RPS6KC1: variants seen among roughly 807,000 people sequenced by gnomAD.
RPS6KC1 encodes the protein ribosomal protein S6 kinase C1, also known as inactive ribosomal protein S6 kinase delta-1.
A neutral mutation model predicts 103.8 loss-of-function variants in RPS6KC1; 54 were observed. The ratio of observed to expected loss-of-function variants is 0.52; its 90% CI spans 0.42 to 0.65. The LOEUF is 0.65. Among genes scored for constraint, RPS6KC1 ranks in the 30% least tolerant of loss-of-function variants. The pLI, the probability that RPS6KC1 is intolerant of heterozygous loss-of-function variation, is 0.00. For synonymous variants in RPS6KC1, 439 were observed against 438.7 expected (o/e 1.00, Z -0.01); for missense variants, 1,151 against 1,253.8 (o/e 0.92, Z 1.24).
At chr1:213,235,196 A>G (rs1010892766) in intron 10 of RPS6KC1, among the ~76,000 whole-genome samples, 8 of 152,108 alleles carry the variant, frequency 5.3e-5, no homozygotes, top group Admixed American at 1.3e-4. Context: ...TTACAGAACT[A>G]CTCATGATTT....
chr1:213,321,535 G>A, the RPS6KC1 span, among the ~76,000 whole-genome samples: 6 of 152,192 alleles, frequency 3.9e-5, no homozygotes, highest in African/African-American at 1.2e-4. Flanking sequence ...TATTGCTCCT[G>A]TAGGGAAAGG....
chr1:213,211,831 G>A (rs1269317728), intron 8 of RPS6KC1, among the ~76,000 whole-genome samples: 2 of 152,140 alleles, frequency 1.3e-5, no homozygotes, highest in African/African-American at 4.8e-5. Flanking sequence ...TGCAGGACTT[G>A]TTTTAGTTAT....
chr1:213,732,199 T>A, the RPS6KC1 span, among the ~76,000 whole-genome samples: 2 of 152,236 alleles, frequency 1.3e-5, no homozygotes, highest in African/African-American at 4.8e-5. Flanking sequence ...GTGGTACCAT[T>A]TTCTGAGCTA....
chr1:213,497,891 A>T, the RPS6KC1 span, among the ~76,000 whole-genome samples: 2 of 152,086 alleles, frequency 1.3e-5, no homozygotes, highest in Admixed American at 1.3e-4. Context: ...AAAAAATTTA[A>T]AAAATTTAAG....
chr1:213,353,907 G>T, the RPS6KC1 span, among the ~76,000 whole-genome samples: 7 of 152,178 alleles, frequency 4.6e-5, no homozygotes, highest in Non-Finnish European at 7.4e-5. Context: ...ATGTGGAAAA[G>T]CCGAGGGAAC....
chr1:213,574,500 C>T, the RPS6KC1 span, among the ~76,000 whole-genome samples: 1 of 152,266 alleles, frequency 6.6e-6, no homozygotes, highest in South Asian at 2.1e-4. Context: ...CTCTATTAGC[C>T]TTGCTGAGGA....
chr1:213,400,628 C>G, the RPS6KC1 span, among the ~76,000 whole-genome samples: 72 of 152,206 alleles, frequency 4.7e-4, 1 homozygote, highest in Middle Eastern at 6.8e-3. Context: ...GACTGGAACC[C>G]AGGTGTCCTG....
At chr1:213,600,061 C>G in the RPS6KC1 span, among the ~76,000 whole-genome samples, 1 of 152,106 alleles carries the variant, frequency 6.6e-6, no homozygotes, top group African/African-American at 2.4e-5. Context: ...CTCATTAGAT[C>G]TGATGGTTTT....
At chr1:213,067,113 G>T (rs935272109) in intron 1 of RPS6KC1, among the ~76,000 whole-genome samples, 1 of 152,192 alleles carries the variant, frequency 6.6e-6, no homozygotes, top group Non-Finnish European at 1.5e-5. Flanking sequence ...GACTGAACCA[G>T]TGTACATCTT....
chr1:213,359,754 A>G, the RPS6KC1 span, among the ~76,000 whole-genome samples: 180 of 152,312 alleles, frequency 1.2e-3, 2 homozygotes, highest in East Asian at 0.028. Context: ...CAAGCCTGGT[A>G]GTGACAAAAT....
the RPS6KC1 span, among the ~76,000 whole-genome samples, chr1:213,752,652 G>A: frequency 0.038 from 5,741 of 152,274 alleles, 202 homozygotes; most frequent in African/African-American, 0.085. Context: ...CAAAATGCAA[G>A]TAAAAGGAAT....
the RPS6KC1 span, among the ~76,000 whole-genome samples, chr1:213,334,448 C>CA: frequency 0.066 from 10,097 of 152,290 alleles, 462 homozygotes; most frequent in Middle Eastern, 0.11. Context: ...ATATATCCTG[C>CA]AAAATCCAAA....
chr1:213,310,147 T>C, the RPS6KC1 span, among the ~76,000 whole-genome samples: 1 of 152,144 alleles, frequency 6.6e-6, no homozygotes, highest in Non-Finnish European at 1.5e-5. Flanking sequence ...TTCCAATTGG[T>C]TTCCCCATTC....
At chr1:213,300,333 G>A in the RPS6KC1 span, among the ~76,000 whole-genome samples, 1 of 152,198 alleles carries the variant, frequency 6.6e-6, no homozygotes, top group African/African-American at 2.4e-5. Context: ...ATTGGGTGGT[G>A]TGACTCTGTT....
At chr1:213,545,416 A>AAAT in the RPS6KC1 span, among the ~76,000 whole-genome samples, 6,178 of 63,658 alleles carry the variant, frequency 0.097, 274 homozygotes, top group African/African-American at 0.19. Flanking sequence ...ATAAATAAAT[A>AAAT]AAATAAAATA....
chr1:213,364,568 G>T, the RPS6KC1 span, among the ~76,000 whole-genome samples: 1 of 152,092 alleles, frequency 6.6e-6, no homozygotes. Flanking sequence ...ATTCCTCACT[G>T]CTTGTCTGTC....
At chr1:213,284,585 T>A in the RPS6KC1 span, among the ~76,000 whole-genome samples, 1 of 151,620 alleles carries the variant, frequency 6.6e-6, no homozygotes, top group South Asian at 2.1e-4. Flanking sequence ...AAAAGGAATT[T>A]AAAAAATTTT....
At chr1:213,152,057 A>C (rs552076958) in intron 6 of RPS6KC1, among the ~76,000 whole-genome samples, 4 of 60,716 alleles carry the variant, frequency 6.6e-5, no homozygotes, top group South Asian at 6.5e-4. Flanking sequence ...GCGGGGGGCT[A>C]ACCCCCCCAC....
the RPS6KC1 span, among the ~76,000 whole-genome samples, chr1:213,488,268 A>G: frequency 1.3e-5 from 2 of 152,222 alleles, no homozygotes; most frequent in Admixed American, 6.5e-5. Flanking sequence ...TAACAACACA[A>G]TGTAGCTGAA....
Sources: allele counts gnomAD v4.1 joint callset (sites outside exome capture counted in the v4.1 genomes callset), GRCh38; gene constraint gnomAD v4.1.1; transcripts MANE v1.5; gene names NCBI Gene and HGNC (gene_info 2026-07-23, HGNC 2026-07-21).